SND1: variants seen among roughly 807,000 people sequenced by gnomAD.
SND1 encodes the protein staphylococcal nuclease and tudor domain containing 1, also known as staphylococcal nuclease domain-containing protein 1.
SND1 carries 38 observed loss-of-function variants against 121.7 expected under a neutral mutation model. The ratio of observed to expected loss-of-function variants is 0.31; its 90% confidence interval spans 0.24 to 0.41. SND1 has a LOEUF of 0.41. SND1 is among the 10% of genes least tolerant of loss of function. SND1 has a pLI of 1.00. For missense variants in SND1, 868 were observed against 1,184.6 expected, an observed-to-expected ratio of 0.73 and a Z score of 3.92; for synonymous variants, 401 against 447.4, an observed-to-expected ratio of 0.90 and a Z score of 1.31.
intron 14 of SND1, among the ~76,000 whole-genome samples, chr7:127,924,904 G>A (rs1451754585): frequency 6.6e-6 from 1 of 152,168 alleles, no homozygotes; most frequent in Non-Finnish European, 1.5e-5. Context: ...AGAAGTCAGG[G>A]CAGAGTGAGA....
intron 12 of SND1, among the ~76,000 whole-genome samples, chr7:127,887,228 C>T (rs1333810408): frequency 6.6e-6 from 1 of 152,052 alleles, no homozygotes; most frequent in African/African-American, 2.4e-5. Context: ...AACTCCTGGG[C>T]TCAAGTGATC....
chr7:127,879,669 C>T (rs917428333), intron 12 of SND1, among the ~76,000 whole-genome samples: 2 of 152,114 alleles, frequency 1.3e-5, no homozygotes, highest in Admixed American at 6.5e-5. Context: ...CGCCTTCAGA[C>T]CTCCATCCTG....
chr7:127,953,188 G>C, intron 15 of SND1, among the ~76,000 whole-genome samples: 1 of 136,332 alleles, frequency 7.3e-6, no homozygotes, highest in South Asian at 2.4e-4. Flanking sequence ...GTGTGTGTGT[G>C]TGTGTGTGTG....
intron 13 of SND1, among the ~76,000 whole-genome samples, chr7:127,898,821 G>A (rs897537361): frequency 6.6e-6 from 1 of 152,070 alleles, no homozygotes; most frequent in African/African-American, 2.4e-5. Flanking sequence ...GTAGTTCCAG[G>A]AGACTTGATG....
chr7:127,911,193 T>C (rs1269136696), intron 14 of SND1, among the ~76,000 whole-genome samples: 1 of 152,196 alleles, frequency 6.6e-6, no homozygotes, highest in African/African-American at 2.4e-5. Flanking sequence ...TGAACTCTAG[T>C]TGGACTACAA....
At chr7:127,920,547 A>G (rs1366806845) in intron 14 of SND1, among the ~76,000 whole-genome samples, 1 of 152,202 alleles carries the variant, frequency 6.6e-6, no homozygotes, top group Non-Finnish European at 1.5e-5. Context: ...TATGGAAAAA[A>G]GGGGAAAAGG....
At chr7:128,074,134 G>A (rs1390936525) in intron 16 of SND1, among the ~76,000 whole-genome samples, 1 of 152,214 alleles carries the variant, frequency 6.6e-6, no homozygotes, top group East Asian at 1.9e-4. Flanking sequence ...GGACCTGCCT[G>A]TCTTCTAGCA....
At chr7:127,953,202 GTGTGTGTGTGTGTGTGTGTA>G (rs1471992918) in intron 15 of SND1, among the ~76,000 whole-genome samples, 5,463 of 86,088 alleles carry the variant, frequency 0.063, 323 homozygotes, top group Non-Finnish European at 0.086. Context: ...GTGTGTGTGT[GTGTGTGTGTGTGTGTGTGTA>G]TGTATGAAAA....
chr7:127,953,151 CGTGTGTGTGT>C (rs59825900), intron 15 of SND1, among the ~76,000 whole-genome samples: 6,388 of 91,906 alleles, frequency 0.07, 208 homozygotes, highest in East Asian at 0.11. Context: ...GTGACAAGAC[CGTGTGTGTGT>C]GTGTGTGTGT....
chr7:127,730,817 T>C (rs1209548024), intron 10 of SND1, among the ~76,000 whole-genome samples: 1 of 152,210 alleles, frequency 6.6e-6, no homozygotes, highest in Non-Finnish European at 1.5e-5. Flanking sequence ...TCATTATTCA[T>C]AGTTTGGGGA....
chr7:128,013,378 A>G (rs560482551), intron 16 of SND1, among the ~76,000 whole-genome samples: 1 of 152,342 alleles, frequency 6.6e-6, no homozygotes, highest in East Asian at 1.9e-4. Context: ...GGTGCGGATC[A>G]CTATACTGGT....
intron 10 of SND1, among the ~76,000 whole-genome samples, chr7:127,777,946 G>A (rs946853846): frequency 1.3e-5 from 2 of 152,158 alleles, no homozygotes; most frequent in Non-Finnish European, 1.5e-5. Context: ...CTGTGTTTTT[G>A]TTGTGTGTTA....
intron 10 of SND1, among the ~76,000 whole-genome samples, chr7:127,803,167 T>C (rs531338291): frequency 6.6e-6 from 1 of 152,342 alleles, no homozygotes; most frequent in Admixed American, 6.5e-5. Context: ...GTGGTGCCTT[T>C]GTTGCTAATG....
chr7:127,953,129 ACT>A (rs1251646487), intron 15 of SND1, among the ~76,000 whole-genome samples: 1 of 137,852 alleles, frequency 7.3e-6, no homozygotes, highest in Non-Finnish European at 1.5e-5. Context: ...ACTCCACTGC[ACT>A]CCAGCCTGGG....
intron 14 of SND1, among the ~76,000 whole-genome samples, chr7:127,926,028 C>T (rs1232990497): frequency 6.6e-6 from 1 of 151,866 alleles, no homozygotes; most frequent in Non-Finnish European, 1.5e-5. Flanking sequence ...AGGCAAATTA[C>T]TTAACTGAAT....
At chr7:127,981,859 G>A (rs1240091165) in intron 15 of SND1, among the ~76,000 whole-genome samples, 3 of 152,220 alleles carry the variant, frequency 2.0e-5, no homozygotes, top group African/African-American at 7.2e-5. Context: ...CTGAGAATAA[G>A]TAGTACTAGA....
chr7:127,830,061 T>A (rs1281562896), intron 11 of SND1, among the ~76,000 whole-genome samples: 1 of 152,166 alleles, frequency 6.6e-6, no homozygotes, highest in Non-Finnish European at 1.5e-5. Context: ...AGTAAATCTG[T>A]ATGTTAATGC....
intron 1 of SND1, among the ~76,000 whole-genome samples, chr7:127,654,802 TGAGTGAACTGCA>T (rs1287555145): frequency 6.6e-6 from 1 of 152,188 alleles, no homozygotes; most frequent in Non-Finnish European, 1.5e-5. Flanking sequence ...GGAGGAAAGC[TGAGTGAACTGCA>T]GAGTGACAGG....
chr7:128,057,300 C>T (rs1562884992), intron 16 of SND1, among the ~76,000 whole-genome samples: 1 of 152,054 alleles, frequency 6.6e-6, no homozygotes, highest in Non-Finnish European at 1.5e-5. Flanking sequence ...ATCTGCCCAG[C>T]CAAGGGGAGA....
Sources: allele counts gnomAD v4.1 joint callset (sites outside exome capture counted in the v4.1 genomes callset), GRCh38; gene constraint gnomAD v4.1.1; transcripts MANE v1.5; gene names NCBI Gene and HGNC (gene_info 2026-07-23, HGNC 2026-07-21).